The following DPYSL2 variants were observed in gnomAD, a reference collection of about 807,000 sequenced individuals.
The protein encoded by DPYSL2 is dihydropyrimidinase-related protein 2.
In DPYSL2, 13 loss-of-function variants were observed where a neutral mutation model predicts 69.9. That is an observed-to-expected ratio of 0.19 (90% confidence interval 0.12 to 0.30). DPYSL2 has a LOEUF of 0.30. Ranked by LOEUF, DPYSL2 falls within the 10% of genes least tolerant of loss-of-function variation. DPYSL2 has a pLI of 1.00. For synonymous variants in DPYSL2, 326 were observed against 359.1 expected, an observed-to-expected ratio of 0.91 and a Z score of 1.04; for missense variants, 587 against 918.9, an observed-to-expected ratio of 0.64 and a Z score of 4.67.
intron 8 of DPYSL2, among the ~76,000 whole-genome samples, chr8:26,636,687 G>T (rs914264535): frequency 6.6e-6 from 1 of 151,994 alleles, no homozygotes; most frequent in African/African-American, 2.4e-5. Context: ...TGCCCAGTTT[G>T]GACCTATTAC....
chr8:26,589,000 C>T lies in DPYSL2; in HGVS notation c.628+5017C>T, dbSNP rs1350062910. On this transcript the variant is annotated intron_variant, in intron 3 of 13. Coordinates refer to ENST00000521913, the MANE Select transcript of DPYSL2 (RefSeq NM_001197293.3). The surrounding 1 kb of genome is among the most constrained non-coding windows in gnomAD (Gnocchi z 5.4). ...CCTCTGAGGAGTCTTACTGTCTGTC[C>T]CCCACCTCCTGCCTCTCGCCAGGCT... Among the ~76,000 whole-genome samples, 1 of 152,186 alleles carries T rather than the reference C, an allele frequency of 6.6e-6. No homozygotes were observed. The highest frequency in any genetic ancestry group is 2.4e-5 in the African/African-American group (1 of 41,444).
At chr8:26,595,670 A>G (rs1219042979) in intron 3 of DPYSL2, among the ~76,000 whole-genome samples, 1 of 152,144 alleles carries the variant, frequency 6.6e-6, no homozygotes, top group Non-Finnish European at 1.5e-5. Flanking sequence ...ATTGGTGACA[A>G]ATTCTTCCCC....
chr8:26,561,512 C>T (rs1332513497), intron 1 of DPYSL2, among the ~76,000 whole-genome samples: 2 of 151,962 alleles, frequency 1.3e-5, no homozygotes, highest in Non-Finnish European at 2.9e-5. Context: ...GGAAACCATC[C>T]CCCTAACCGA....
intron 1 of DPYSL2, among the ~76,000 whole-genome samples, chr8:26,518,404 G>A (rs780642229): frequency 9.9e-5 from 15 of 152,138 alleles, no homozygotes; most frequent in Non-Finnish European, 1.8e-4. Context: ...ATTTGCTCTT[G>A]ATTTCCCAGC....
chr8:26,572,549 G>C (rs13251114), intron 1 of DPYSL2, among the ~76,000 whole-genome samples: 12,550 of 152,182 alleles, frequency 0.082, 717 homozygotes, highest in Non-Finnish European at 0.12. Context: ...ACCCAAGCTG[G>C]AGTGCAGTGA....
At chr8:26,631,629 G>A (rs1435649699) in intron 7 of DPYSL2, among the ~76,000 whole-genome samples, 1 of 152,226 alleles carries the variant, frequency 6.6e-6, no homozygotes, top group African/African-American at 2.4e-5. Flanking sequence ...CCCAGCAACT[G>A]ATTATGGAGT....
chr8:26,628,865 C>A (rs548403587), intron 7 of DPYSL2, among the ~76,000 whole-genome samples: 6 of 152,308 alleles, frequency 3.9e-5, no homozygotes, highest in Admixed American at 1.3e-4. Flanking sequence ...CACTGAGTGT[C>A]AGCACCGTGC....
intron 3 of DPYSL2, among the ~76,000 whole-genome samples, chr8:26,613,701 T>C (rs1487918260): frequency 6.6e-6 from 1 of 151,886 alleles, no homozygotes; most frequent in Non-Finnish European, 1.5e-5. Context: ...GAGGGAGAGA[T>C]CAGGAGCCCC....
At chr8:26,531,613 AGAACCTCT>A (rs1480787801) in intron 1 of DPYSL2, among the ~76,000 whole-genome samples, 26 of 152,220 alleles carry the variant, frequency 1.7e-4, no homozygotes, top group African/African-American at 6.0e-4. Flanking sequence ...ACAAATAGAC[AGAACCTCT>A]GTTCCACAGC....
chr8:26,581,184 G>A (rs1801484001), intron 1 of DPYSL2, among the ~76,000 whole-genome samples: 1 of 152,110 alleles, frequency 6.6e-6, no homozygotes, highest in Admixed American at 6.5e-5. Flanking sequence ...ATATTGAATG[G>A]AAACCTTGCT....
intron 1 of DPYSL2, among the ~76,000 whole-genome samples, chr8:26,524,664 T>C (rs776345264): frequency 6.6e-6 from 1 of 151,876 alleles, no homozygotes; most frequent in Non-Finnish European, 1.5e-5. Context: ...CGGGCATGTA[T>C]GGTGGCGTGT....
chr8:26,538,565 C>T lies in DPYSL2; in HGVS notation c.354+23886C>T, dbSNP rs572729995. On this transcript the variant is annotated intron_variant, in intron 1 of 13. Coordinates refer to ENST00000521913, the MANE Select transcript of DPYSL2 (RefSeq NM_001197293.3). ...CCCATGGTCTTCAGTGATGTTGAGC[C>T]CGTGTAATGAAGCTTCCTGGAGTCT... Among the ~76,000 whole-genome samples the T allele has an allele frequency of 6.6e-5, 10 of 152,246 alleles. No homozygotes were observed. In the South Asian group the frequency reaches 2.1e-3, roughly 32 times the overall value.
chr8:26,622,510 T>A (rs1000663661), intron 3 of DPYSL2, among the ~76,000 whole-genome samples: 14 of 151,258 alleles, frequency 9.3e-5, no homozygotes, highest in Admixed American at 2.6e-4. Context: ...ATATATATTT[T>A]TTTTTTTCTT....
chr8:26,541,487 C>A (rs1388299935), intron 1 of DPYSL2, among the ~76,000 whole-genome samples: 1 of 152,168 alleles, frequency 6.6e-6, no homozygotes, highest in African/African-American at 2.4e-5. Flanking sequence ...AACAGCAACA[C>A]ACACACATAA....
At chr8:26,559,433 G>T (rs1031406843) in intron 1 of DPYSL2, among the ~76,000 whole-genome samples, 1 of 152,130 alleles carries the variant, frequency 6.6e-6, no homozygotes, top group African/African-American at 2.4e-5. Context: ...AGAGCCCATT[G>T]CTTCACACTT....
At chr8:26,577,707 A>G in intron 1 of DPYSL2, 1 of 717,222 alleles carries the variant, frequency 1.4e-6, no homozygotes, top group Non-Finnish European at 1.7e-6. Context: ...CGGCCCGAAG[A>G]AAGCGCGCGA....
At chr8:26,589,790 C>T (rs1452313899) in intron 3 of DPYSL2, among the ~76,000 whole-genome samples, 2 of 152,234 alleles carry the variant, frequency 1.3e-5, no homozygotes. Context: ...CTCATTGGTC[C>T]TCTTGCGAGA....
intron 3 of DPYSL2, among the ~76,000 whole-genome samples, chr8:26,601,542 T>A (rs1455025362): frequency 6.6e-6 from 1 of 152,134 alleles, no homozygotes. Context: ...CATGCCCGGC[T>A]AATTTTTTGT....
At chr8:26,550,197 G>A (rs1235033853) in intron 1 of DPYSL2, among the ~76,000 whole-genome samples, 2 of 152,162 alleles carry the variant, frequency 1.3e-5, no homozygotes, top group Admixed American at 6.6e-5. Context: ...CATCACCTGC[G>A]ATGAAGTGGT....
Sources: allele counts gnomAD v4.1 joint callset (sites outside exome capture counted in the v4.1 genomes callset), GRCh38; gene constraint gnomAD v4.1.1; non-coding constraint Gnocchi (gnomAD v3.1); transcripts MANE v1.5; gene names NCBI Gene and HGNC (gene_info 2026-07-23, HGNC 2026-07-21).